MAML1: variants seen among roughly 807,000 people sequenced by gnomAD.
The protein encoded by MAML1 is mastermind like transcriptional coactivator 1, also known as mastermind-like protein 1.
Under a neutral mutation model 77.1 loss-of-function variants are expected in MAML1, and 14 were observed. The observed-to-expected ratio is 0.18, with a 90% CI of 0.12 to 0.28. The LOEUF is 0.28. MAML1 is among the 10% of genes least tolerant of loss of function. The pLI is 1.00. For missense variants in MAML1, 1,217 were observed against 1,327.8 expected (o/e 0.92, Z 1.30); for synonymous variants, 516 against 551.9 (o/e 0.93, Z 0.91).
rs757458183 is a variant in MAML1 at position 179,774,677 on chromosome 5, G to T, written c.2851G>T (p.Gly951Cys). ...FSQSPASQMGGRAGLHCTQAY... is the reference protein window; with the variant it reads ...FSQSPASQMGCRAGLHCTQAY... ...CCAGAGCCCTGCCTCACAGATGGGC[G>T]GTCGGGCGGGGCTGCACTGCACCCA... Residue 951 changes from glycine (G) to cysteine (C), a missense_variant, in exon 5 of 5, where the codon GGT becomes TGT. Physicochemically the swap from Gly to Cys is radical, Grantham distance 159. Coordinates refer to ENST00000292599, the MANE Select transcript of MAML1 (RefSeq NM_014757.5). The T allele has an allele frequency of 1.9e-6, 3 of 1,609,678 alleles. No individual in the cohort carries two copies. Among genetic ancestry groups the T allele is most frequent in the Admixed American group, 1.7e-5 (1 of 59,950 alleles).
intron 4 of MAML1, among the ~76,000 whole-genome samples, chr5:179,772,502 C>T (rs1395327706): frequency 6.6e-6 from 1 of 152,174 alleles, no homozygotes; most frequent in African/African-American, 2.4e-5. Context: ...GACTCTCCTA[C>T]CCACAAAACC....
chr5:179,749,513 G>A (rs774688811), intron 1 of MAML1, among the ~76,000 whole-genome samples: 35 of 152,200 alleles, frequency 2.3e-4, no homozygotes, highest in Non-Finnish European at 4.3e-4. Context: ...CACTCATCTC[G>A]GCTTCCCAAA....
At chr5:179,754,281 CAAG>C (rs1214339837) in intron 1 of MAML1, among the ~76,000 whole-genome samples, 2 of 151,978 alleles carry the variant, frequency 1.3e-5, no homozygotes, top group East Asian at 1.9e-4. Flanking sequence ...GACGCTGTCT[CAAG>C]AAGAAGAAAT....
chr5:179,766,127 G>A lies in MAML1; in HGVS notation c.1117G>A (p.Ala373Thr), dbSNP rs1486672153. The A allele has an allele frequency of 7.0e-6, 11 of 1,574,494 alleles. No homozygotes were observed. In the South Asian group the frequency reaches 9.4e-5, roughly 13 times the overall value. ...GCCGGCATCAGCCCAGGCCCAGAACGCACAAAGAGCCCTTGCAGGTGTGGT... is the reference window on the plus strand; with the variant it reads ...GCCGGCATCAGCCCAGGCCCAGAACACACAAAGAGCCCTTGCAGGTGTGGT... The part of the protein sequence containing the change: ...LMPASAQAQN[A>T]QRALAGVVLP... Residue 373 changes from alanine (A) to threonine (T), a missense_variant, in exon 2 of 5, where the codon GCA becomes ACA. Ala to Thr is a moderately conservative substitution (Grantham distance 58). Around this residue, in one of 3 missense-constraint regions of MAML1, gnomAD observed 884 missense variants for 949.3 expected, o/e 0.93. Coordinates refer to ENST00000292599, the MANE Select transcript of MAML1 (RefSeq NM_014757.5). This position sits in a 1 kb window ranked among gnomAD's most constrained non-coding sequence, Gnocchi z 4.0.
rs921899282 is a variant in MAML1, at chr5:179,774,192, A to G, written c.2366A>G (p.Gln789Arg). 8.7e-6 allele frequency: 14 copies of G among 1,613,424 alleles called. No individual in the cohort carries two copies. The highest frequency in any genetic ancestry group is 1.1e-5 in the Non-Finnish European group (13 of 1,179,978). ...ATTCCACGGCAGACCAACGTGGGCC[A>G]GAACACCTCCGTCTCAGCTGCCTAT... The part of the protein sequence containing the change: ...AHIPRQTNVG[Q>R]NTSVSAAYGQ... Residue 789 changes from glutamine (Q) to arginine (R), a missense_variant, in exon 5 of 5, where the codon CAG becomes CGG. Transcript: ENST00000292599.
Position 179,774,295 on chromosome 5 carries a change from A to C in MAML1, c.2469A>C (p.Pro823=). 6.2e-7 allele frequency: 1 copy of C among 1,613,358 alleles called. No homozygotes were observed. Among genetic ancestry groups the C allele is most frequent in the Non-Finnish European group, 8.5e-7 (1 of 1,179,982 alleles). ...KGTLNPGLTK[P]PVPRVSPAMG... is the part of the protein sequence containing the mutation. ...CCCTGAACCCTGGTTTAACAAAGCCACCGGTCCCAAGGGTGTCACCAGCCA... is the reference window on the plus strand; with the variant it reads ...CCCTGAACCCTGGTTTAACAAAGCCCCCGGTCCCAAGGGTGTCACCAGCCA... The change falls in exon 5 of 5, where the codon CCA becomes CCC. Residue 823 remains proline, a synonymous_variant. Transcript: ENST00000292599.
At chr5:179,767,495 A>G (rs1415009200) in intron 2 of MAML1, among the ~76,000 whole-genome samples, 1 of 151,690 alleles carries the variant, frequency 6.6e-6, no homozygotes. Flanking sequence ...GCATTGACAC[A>G]CTATATACCC....
At chr5:179,760,284 GGT>G (rs2113367696) in intron 1 of MAML1, among the ~76,000 whole-genome samples, 1 of 152,162 alleles carries the variant, frequency 6.6e-6, no homozygotes, top group African/African-American at 2.4e-5. Flanking sequence ...GAGTGCCTCT[GGT>G]GAGGGGATCA....
chr5:179,747,376 G>A (rs1208833072), intron 1 of MAML1, among the ~76,000 whole-genome samples: 1 of 152,234 alleles, frequency 6.6e-6, no homozygotes, highest in Non-Finnish European at 1.5e-5. Context: ...GTAGAGGTAA[G>A]GCAGGAGGTC....
chr5:179,757,460 C>T (rs865821355), intron 1 of MAML1, among the ~76,000 whole-genome samples: 3 of 151,788 alleles, frequency 2.0e-5, no homozygotes, highest in Non-Finnish European at 2.9e-5. Context: ...CCCAGCTACT[C>T]GGGAGGCTGA....
rs1581952006 is a variant in MAML1, at chr5:179,775,587, C to A, written c.*710C>A. 2 of 985,348 alleles carry A rather than the reference C, an allele frequency of 2.0e-6. No homozygotes were observed. The highest frequency in any genetic ancestry group is 1.7e-5 in the African/African-American group (1 of 57,318). 61.0% of individuals were successfully genotyped at this position (985,348 alleles called of 1,614,324 possible). ...CACAGCTAGGGTCTTCCTAGCAGCTCCTCCTCCTCCCTCCCAAGGCCCCCA... is the reference window on the plus strand; with the variant it reads ...CACAGCTAGGGTCTTCCTAGCAGCTACTCCTCCTCCCTCCCAAGGCCCCCA... On this transcript the variant is annotated 3_prime_UTR_variant, in exon 5 of 5. Transcript: ENST00000292599.
intron 1 of MAML1, among the ~76,000 whole-genome samples, chr5:179,740,356 C>T (rs1779257849): frequency 1.3e-5 from 2 of 152,080 alleles, no homozygotes; most frequent in Admixed American, 1.3e-4. Flanking sequence ...CTACAAGCTC[C>T]GCCTCCCGGG....
chr5:179,765,035 T>G (rs1779790687), intron 1 of MAML1, among the ~76,000 whole-genome samples: 1 of 151,798 alleles, frequency 6.6e-6, no homozygotes, highest in South Asian at 2.1e-4. Context: ...TCTGGCATTT[T>G]TTTGTTGGCT....
At chr5:179,763,018 G>A (rs989710448) in intron 1 of MAML1, among the ~76,000 whole-genome samples, 4 of 152,210 alleles carry the variant, frequency 2.6e-5, no homozygotes, top group Admixed American at 2.6e-4. Context: ...GGCAAAGAAA[G>A]ATTCTGTTTC....
intron 2 of MAML1, 44 bp from the exon 3 acceptor site, chr5:179,768,806 G>C (rs1240702520): frequency 1.9e-6 from 3 of 1,609,042 alleles, no homozygotes; most frequent in Middle Eastern, 1.7e-4. Context: ...TATTTGGTCT[G>C]ATCAGAGCTT....
At chr5:179,737,938 A>G (rs1779204176) in intron 1 of MAML1, among the ~76,000 whole-genome samples, 1 of 114,306 alleles carries the variant, frequency 8.7e-6, no homozygotes, top group Non-Finnish European at 2.2e-5. Context: ...CTGGGACTAC[A>G]GGTGTGCACC....
At chr5:179,743,458 C>G (rs6601072) in intron 1 of MAML1, among the ~76,000 whole-genome samples, 1 of 147,904 alleles carries the variant, frequency 6.8e-6, no homozygotes, top group Non-Finnish European at 1.5e-5. Context: ...GCTCCACCTC[C>G]CAGGTTCACG....
chr5:179,740,218 G>A lies in MAML1; in HGVS notation c.315+6791G>A, dbSNP rs192153470. ...AGGCCAGTGTGTCTGGAGCAGCGTGGCACCTAGGACCAGATCAAGTGCAGT... is the reference window on the plus strand; with the variant it reads ...AGGCCAGTGTGTCTGGAGCAGCGTGACACCTAGGACCAGATCAAGTGCAGT... On this transcript the variant is annotated intron_variant, in intron 1 of 4. Coordinates refer to ENST00000292599, the MANE Select transcript of MAML1 (RefSeq NM_014757.5). 1.2e-3 allele frequency among the ~76,000 whole-genome samples: 181 copies of A among 152,250 alleles called. 2 individuals are homozygous for A. Among genetic ancestry groups the A allele is most frequent in the Non-Finnish European group, 4.1e-4 (28 of 67,996 alleles).
chr5:179,744,436 T>C (rs1404881484), intron 1 of MAML1, among the ~76,000 whole-genome samples: 1 of 152,142 alleles, frequency 6.6e-6, no homozygotes, highest in Non-Finnish European at 1.5e-5. Flanking sequence ...TCCACCTGCC[T>C]CGGCCTCCTA....
Sources: allele counts gnomAD v4.1 joint callset (sites outside exome capture counted in the v4.1 genomes callset), GRCh38; gene constraint gnomAD v4.1.1; regional missense constraint gnomAD v4.1.1; non-coding constraint Gnocchi (gnomAD v3.1); transcripts MANE v1.5; gene names NCBI Gene and HGNC (gene_info 2026-07-23, HGNC 2026-07-21).